Variants in PLAG1 observed in about 807,000 individuals in gnomAD.
The protein encoded by PLAG1 is zinc finger protein PLAG1.
Under a neutral mutation model 35.5 loss-of-function variants are expected in PLAG1, and 7 were observed. The observed-to-expected ratio is 0.20, with a 90% CI of 0.11 to 0.37. The LOEUF (loss-of-function observed/expected upper bound fraction) is 0.37. PLAG1 is among the 10% of genes least tolerant of loss of function. The pLI is 1.00. For synonymous variants in PLAG1, 229 were observed against 225.4 expected (o/e 1.02, Z -0.14); for missense variants, 454 against 602.8 (o/e 0.75, Z 2.58).
intron 2 of PLAG1, among the ~76,000 whole-genome samples, chr8:56,177,595 C>T (rs1018660693): frequency 4.6e-5 from 7 of 152,178 alleles, no homozygotes; most frequent in Admixed American, 1.3e-4. Context: ...TCTCCCCCAG[C>T]GACAGTAAAT....
intron 1 of PLAG1, among the ~76,000 whole-genome samples, chr8:56,185,270 GCTCA>G (rs1317252596): frequency 9.9e-5 from 15 of 152,242 alleles, no homozygotes; most frequent in African/African-American, 3.4e-4. Context: ...TGACGGATAT[GCTCA>G]CTATGTTGAC....
intron 1 of PLAG1, among the ~76,000 whole-genome samples, chr8:56,197,462 A>G (rs1302870487): frequency 6.6e-6 from 1 of 152,116 alleles, no homozygotes; most frequent in Non-Finnish European, 1.5e-5. Flanking sequence ...GTCTCCCCTC[A>G]AGCAGGGAAA....
At chr8:56,206,765 C>A (rs1812711828) in intron 1 of PLAG1, among the ~76,000 whole-genome samples, 1 of 151,936 alleles carries the variant, frequency 6.6e-6, no homozygotes, top group African/African-American at 2.4e-5. Flanking sequence ...TCAGAAGTGA[C>A]TGATATAGTT....
At chr8:56,206,378 T>C (rs1024889532) in intron 1 of PLAG1, among the ~76,000 whole-genome samples, 3 of 152,086 alleles carry the variant, frequency 2.0e-5, no homozygotes, top group Non-Finnish European at 4.4e-5. Context: ...TGTTATAATC[T>C]AAAAATCTTA....
At chr8:56,199,341 C>T (rs761621833) in intron 1 of PLAG1, among the ~76,000 whole-genome samples, 5 of 152,084 alleles carry the variant, frequency 3.3e-5, no homozygotes, top group Non-Finnish European at 5.9e-5. Context: ...AGCTTTGGTG[C>T]CTGGGAGGCT....
intron 1 of PLAG1, among the ~76,000 whole-genome samples, chr8:56,182,201 TGA>T (rs1351444793): frequency 1.3e-5 from 2 of 152,140 alleles, no homozygotes; most frequent in African/African-American, 4.8e-5. Flanking sequence ...CTTGTTTGAA[TGA>T]GACACAGAAG....
chr8:56,170,087 G>C (rs905460914), intron 3 of PLAG1, among the ~76,000 whole-genome samples: 5 of 152,112 alleles, frequency 3.3e-5, no homozygotes, highest in Non-Finnish European at 5.9e-5. Context: ...TTAATGTAAA[G>C]GCTGTTTCTA....
chr8:56,191,125 A>AC (rs1201556314), intron 1 of PLAG1, among the ~76,000 whole-genome samples: 2 of 152,174 alleles, frequency 1.3e-5, no homozygotes, highest in African/African-American at 4.8e-5. Context: ...CCTGCTTTAC[A>AC]CGCGCTGCTT....
chr8:56,194,206 A>G (rs1215867031), intron 1 of PLAG1, among the ~76,000 whole-genome samples: 1 of 151,602 alleles, frequency 6.6e-6, no homozygotes, highest in Admixed American at 6.6e-5. Context: ...AGTCTCAGCT[A>G]CTCAGGAGGC....
chr8:56,201,540 C>T (rs553538002), intron 1 of PLAG1, among the ~76,000 whole-genome samples: 1 of 152,104 alleles, frequency 6.6e-6, no homozygotes, highest in Non-Finnish European at 1.5e-5. Flanking sequence ...CAACTCTATG[C>T]CTGAAATCTT....
At position 56,168,271 on chromosome 8, in the gene PLAG1, G is replaced by A. The variant is rs758099265; in HGVS notation, c.-2C>T. 1.9e-6 allele frequency: 3 copies of A among 1,607,928 alleles called. No homozygotes were observed. The highest frequency in any genetic ancestry group is 1.7e-5 in the Admixed American group (1 of 59,716). On this transcript the variant is annotated 5_prime_UTR_variant, in exon 4 of 5. Transcript: ENST00000316981. ...ATCACCAGGAATGACAGTGGCCATCGCAGCCTAAACCAGGCCTTCTTGTTG... is the reference window on the plus strand; with the variant it reads ...ATCACCAGGAATGACAGTGGCCATCACAGCCTAAACCAGGCCTTCTTGTTG...
chr8:56,184,560 T>G (rs1811964211), intron 1 of PLAG1, among the ~76,000 whole-genome samples: 1 of 152,156 alleles, frequency 6.6e-6, no homozygotes, highest in South Asian at 2.1e-4. Flanking sequence ...TTTATAATAG[T>G]CAAAACTAGA....
At chr8:56,209,145 T>TAC (rs1812778237) in intron 1 of PLAG1, 1 of 152,254 alleles carries the variant, frequency 6.6e-6, no homozygotes, top group African/African-American at 2.4e-5. Context: ...ATTATGGGCA[T>TAC]ACACAGCTCT....
At chr8:56,188,675 T>G (rs753154763) in intron 1 of PLAG1, among the ~76,000 whole-genome samples, 6 of 152,236 alleles carry the variant, frequency 3.9e-5, no homozygotes, top group Non-Finnish European at 5.9e-5. Flanking sequence ...TACTTTCTCA[T>G]GTATCCACCT....
Position 56,167,225 on chromosome 8 carries a change from C to A in PLAG1, c.521G>T (p.Gly174Val), listed in dbSNP as rs1811386186. The change falls in exon 5 of 5, where the codon GGC (glycine) becomes GTC (valine). Residue 174 changes from glycine (G) to valine (V), a missense_variant. This residue lies in a region of PLAG1 where 170 missense variants were observed against 226.3 expected (regional missense o/e 0.75). Transcript: ENST00000316981. The surrounding 1 kb of genome is among the most constrained non-coding windows in gnomAD (Gnocchi z 5.9). ...VLLEHLKSHA[G>V]KSSGGVKEKK... ...TTCTTTAACCCCACCAGACGACTTG[C>A]CTGCATGAGATTTAAGGTGCTCCAG... 2 of 1,614,100 alleles carry A rather than the reference C, an allele frequency of 1.2e-6. No homozygotes were observed. Among genetic ancestry groups the A allele is most frequent in the Non-Finnish European group, 1.7e-6 (2 of 1,180,022 alleles).
chr8:56,178,283 A>T (rs963522320), intron 2 of PLAG1, among the ~76,000 whole-genome samples: 2 of 152,206 alleles, frequency 1.3e-5, no homozygotes, highest in East Asian at 3.8e-4. Flanking sequence ...GCATAAATTT[A>T]GTTTGGCTAA....
rs1811804253 is a variant in PLAG1 at position 56,179,497 on chromosome 8, C to A, written c.-305G>T. On this transcript the variant is annotated 5_prime_UTR_variant, in exon 2 of 5. Transcript: ENST00000316981. Reference sequence around the variant, plus strand: ...TTCTGGGTGCCAAATACGGCCAAGGCAGCACCAAGAGGCAACCTAAAAAGA... The same window carrying A: ...TTCTGGGTGCCAAATACGGCCAAGGAAGCACCAAGAGGCAACCTAAAAAGA... 1.0e-6 allele frequency: 1 copy of A among 966,672 alleles called. No homozygotes were observed. Among genetic ancestry groups the A allele is most frequent in the Non-Finnish European group, 1.2e-6 (1 of 812,536 alleles). 59.9% of individuals were successfully genotyped at this position (966,672 alleles called of 1,614,324 possible).
Position 56,168,171 on chromosome 8 carries a change from G to A in PLAG1, c.99C>T (p.Asn33=), listed in dbSNP as rs1811414348. 1 of 1,613,738 alleles carries A rather than the reference G, an allele frequency of 6.2e-7. No homozygotes were observed. The highest frequency in any genetic ancestry group is 1.7e-4 in the Middle Eastern group (1 of 6,056). Reference sequence around the variant, plus strand: ...CCTTGTCACACAGTTGGCAAGGAAAGTTTTTTCTTGGTTTGGTTTCACCAC... The same window carrying A: ...CCTTGTCACACAGTTGGCAAGGAAAATTTTTTCTTGGTTTGGTTTCACCAC... ...RKRGETKPRK[N]FPCQLCDKAF... The change falls in exon 4 of 5, where the codon AAC becomes AAT. Residue 33 remains asparagine (N), a synonymous_variant. Transcript: ENST00000316981.
At chr8:56,203,516 G>A (rs989582338) in intron 1 of PLAG1, among the ~76,000 whole-genome samples, 1 of 151,992 alleles carries the variant, frequency 6.6e-6, no homozygotes, top group Non-Finnish European at 1.5e-5. Flanking sequence ...TGATAGATGT[G>A]CTTAACATAC....
Sources: gnomAD v4.1 joint callset for allele counts (sites outside exome capture counted in the v4.1 genomes callset) on GRCh38, gnomAD v4.1.1 for gene constraint, gnomAD v4.1.1 regional missense constraint, Gnocchi (gnomAD v3.1) non-coding constraint, MANE v1.5 for transcripts, NCBI Gene and HGNC (gene_info 2026-07-23, HGNC 2026-07-21) for gene names.